The following USP2 variants were observed in gnomAD, a reference collection of about 807,000 sequenced individuals.
The protein encoded by USP2 is ubiquitin carboxyl-terminal hydrolase 2.
Under a neutral mutation model 72.0 loss-of-function variants are expected in USP2, and 33 were observed. The observed-to-expected ratio is 0.46, with a 90% CI of 0.35 to 0.61. The LOEUF (loss-of-function observed/expected upper bound fraction) is 0.61, where lower values mean the gene tolerates loss of function less well. Ranked by LOEUF, USP2 falls within the 20% of genes least tolerant of loss-of-function variation. USP2 has a pLI of 0.01. For missense variants in USP2, 691 were observed against 797.8 expected (o/e 0.87, Z 1.61); for synonymous variants, 296 against 312.5 (o/e 0.95, Z 0.56).
intron 1 of USP2, among the ~76,000 whole-genome samples, chr11:119,378,572 G>A (rs1951028256): frequency 6.6e-6 from 1 of 152,100 alleles, no homozygotes; most frequent in African/African-American, 2.4e-5. Context: ...GGGAGGGGAG[G>A]AGGTAAGATA....
rs564686765 is a variant in USP2, at chr11:119,367,235, C to T, written c.774+5472G>A. Reference sequence around the variant, plus strand: ...GGGCTCATTCCTGCATCCTGACTGCCGTTCCTCAGAACCTGGGCTTGGCCT... The same window carrying T: ...GGGCTCATTCCTGCATCCTGACTGCTGTTCCTCAGAACCTGGGCTTGGCCT... On this transcript the variant is annotated intron_variant, in intron 2 of 12. Coordinates refer to ENST00000260187, the MANE Select transcript of USP2 (RefSeq NM_004205.5). Among the ~76,000 whole-genome samples, 49 of 152,290 alleles carry T rather than the reference C, an allele frequency of 3.2e-4. 1 individual carries two copies. The highest frequency in any genetic ancestry group is 9.6e-4 in the African/African-American group (40 of 41,568).
chr11:119,356,074 C>T lies in USP2; in HGVS notation c.*761G>A, dbSNP rs1212416498. The T allele has an allele frequency of 2.7e-5, 4 of 150,884 alleles. No individual in the cohort carries two copies. Among genetic ancestry groups the T allele is most frequent in the Admixed American group, 2.6e-4 (4 of 15,160 alleles). The allele number at this position is 150,884 out of a possible 1,614,324, so 9.3% of individuals were successfully genotyped here. The stretch of plus-strand genomic sequence containing the variant: ...AAAAAAAAAAAAAAAAACCCAAACC[C>T]CCAAAACAGAAACTTGTTTTAGATC... On this transcript the variant is annotated 3_prime_UTR_variant, in exon 13 of 13. Transcript: ENST00000260187.
chr11:119,363,482 G>C (rs1166125743), intron 2 of USP2, among the ~76,000 whole-genome samples: 2 of 152,150 alleles, frequency 1.3e-5, no homozygotes, highest in Non-Finnish European at 2.9e-5. Context: ...CCTCGGAGGA[G>C]TACCCCGGCA....
chr11:119,364,263 G>A (rs1950818363), intron 2 of USP2: 11 of 906,772 alleles, frequency 1.2e-5, no homozygotes, highest in Non-Finnish European at 1.3e-5. Context: ...GCGGGGCCAG[G>A]CCCTAAGCCC....
rs1326239853 is a variant in USP2, at chr11:119,359,281, A to G, written c.1011T>C (p.Ser337=). The part of the protein sequence containing the change: ...TSSPNDVVSP[S]EFKTQIQRYA... The stretch of plus-strand genomic sequence containing the variant: ...ATCTCTGGATCTGGGTCTTGAACTC[A>G]GATGGGCTCACCACATCATTGGGGG... The change falls in exon 5 of 13, where the codon TCT becomes TCC. Residue 337 remains serine (S), a synonymous_variant. Coordinates refer to ENST00000260187, the MANE Select transcript of USP2 (RefSeq NM_004205.5). The G allele has an allele frequency of 6.2e-7, 1 of 1,614,090 alleles. No homozygotes were observed. The highest frequency in any genetic ancestry group is 2.2e-5 in the East Asian group (1 of 44,884).
intron 2 of USP2, chr11:119,364,221 G>A (rs1395235714): frequency 2.7e-6 from 3 of 1,107,844 alleles, no homozygotes; most frequent in South Asian, 4.5e-5. Context: ...CGGCCCCGCC[G>A]GCGCCTCGGG....
rs1472733121 is a variant in USP2, at chr11:119,373,463, G to C, written c.18C>G (p.Ser6=). The C allele has an allele frequency of 2.1e-5, 34 of 1,586,984 alleles. No individual in the cohort carries two copies. The highest frequency in any genetic ancestry group is 2.8e-5 in the Non-Finnish European group (33 of 1,172,676). Residue 6 remains serine (S), a synonymous_variant, in exon 2 of 13, where the codon TCC becomes TCG. Transcript: ENST00000260187. MSQLS[S]TLKRYTESAR... ...CCGATTCTGTGTAGCGCTTCAGGGT[G>C]GAGGAGAGCTGGGACATCCTTCAGG...
chr11:119,373,797 G>A (rs1950966929), intron 1 of USP2, among the ~76,000 whole-genome samples: 2 of 152,242 alleles, frequency 1.3e-5, no homozygotes, highest in South Asian at 4.1e-4. Context: ...ACTCAAACAC[G>A]CAAGCAGGGG....
At chr11:119,370,683 C>A (rs1038539255) in intron 2 of USP2, among the ~76,000 whole-genome samples, 1 of 152,188 alleles carries the variant, frequency 6.6e-6, no homozygotes, top group Non-Finnish European at 1.5e-5. Flanking sequence ...TGCTGGTTGG[C>A]AGTATCTTCT....
intron 2 of USP2, among the ~76,000 whole-genome samples, chr11:119,367,786 TGA>T (rs1258043899): frequency 6.6e-6 from 1 of 152,092 alleles, no homozygotes; most frequent in African/African-American, 2.4e-5. Context: ...CGTATTGAGG[TGA>T]GAGAGTACAA....
intron 7 of USP2, among the ~76,000 whole-genome samples, chr11:119,358,475 C>G (rs1414142064): frequency 6.6e-6 from 1 of 152,146 alleles, no homozygotes; most frequent in Non-Finnish European, 1.5e-5. Context: ...ACCACCATGC[C>G]TGGCTAATTT....
At position 119,359,588 on chromosome 11, in the gene USP2, A is replaced by G; in HGVS notation, c.898T>C (p.Tyr300His). ...ELRDYCLQRL[Y>H]MRDLHHGSNA... ...CTGCCGTGGTGCAGGTCCCGCATGT[A>G]GAGCCTCTGGAGGCAGTAATCTCTC... Residue 300 changes from tyrosine (Y) to histidine (H), a missense_variant, in exon 4 of 13, where the codon TAC becomes CAC. Physicochemically the swap from Tyr to His is moderately conservative, Grantham distance 83. Coordinates refer to ENST00000260187, the MANE Select transcript of USP2 (RefSeq NM_004205.5). 1 of 1,614,000 alleles carries G rather than the reference A, an allele frequency of 6.2e-7. No homozygotes were observed. Among genetic ancestry groups the G allele is most frequent in the Non-Finnish European group, 8.5e-7 (1 of 1,180,018 alleles).
intron 1 of USP2, among the ~76,000 whole-genome samples, chr11:119,375,705 C>A (rs548865420): frequency 6.6e-6 from 1 of 152,216 alleles, no homozygotes; most frequent in Admixed American, 6.5e-5. Flanking sequence ...TACAATCCCC[C>A]CAACAAGGGT....
In USP2 at chr11:119,373,005, T is replaced by C. The variant is rs1427264269; in HGVS notation, c.476A>G (p.Tyr159Cys). 1.9e-6 allele frequency: 3 copies of C among 1,613,818 alleles called. No homozygotes were observed. The South Asian group carries it at 3.3e-5, about 18-fold the overall frequency. Residue 159 changes from tyrosine (Y) to cysteine (C), a missense_variant, in exon 2 of 13, where the codon TAC becomes TGC. Transcript: ENST00000260187. ...GCCCAGGTTCCTGGGGTCTATCCGG[T>C]AGCTATCTGAGGTCCGGAGGCTGGA... ...DFSSLRTSDS[Y>C]RIDPRNLGRS...
At position 119,373,407 on chromosome 11, in the gene USP2, G is replaced by A. The variant is rs763816084; in HGVS notation, c.74C>T (p.Ser25Leu). The change falls in exon 2 of 13, where the codon TCG (serine) becomes TTG (leucine). Residue 25 changes from serine to leucine, a missense_variant. Transcript: ENST00000260187. ...ARYTDAHYAK[S>L]GYGAYTPSSY... ...GGACGGGGTGTAGGCACCATAGCCC[G>A]ACTTGGCATAGTGGGCATCTGTGTA... The A allele has an allele frequency of 1.9e-6, 3 of 1,606,776 alleles. No individual in the cohort carries two copies. The highest frequency in any genetic ancestry group is 2.5e-6 in the Non-Finnish European group (3 of 1,179,898).
intron 1 of USP2, chr11:119,378,950 T>C: frequency 2.0e-6 from 2 of 982,828 alleles, no homozygotes; most frequent in Non-Finnish European, 2.4e-6. Context: ...TTCACTGATG[T>C]CTTTCCTCTA....
chr11:119,361,306 G>A (rs1426298438), intron 2 of USP2, among the ~76,000 whole-genome samples: 1 of 152,196 alleles, frequency 6.6e-6, no homozygotes, highest in African/African-American at 2.4e-5. Flanking sequence ...GAGAACAGGT[G>A]CTGGATCGAG....
chr11:119,373,007 G>A lies in USP2; in HGVS notation c.474C>T (p.Ser158=), dbSNP rs769234434. ...RDFSSLRTSD[S]YRIDPRNLGR... ...CCAGGTTCCTGGGGTCTATCCGGTA[G>A]CTATCTGAGGTCCGGAGGCTGGAGA... Residue 158 remains serine, a synonymous_variant, in exon 2 of 13, where the codon AGC becomes AGT. Coordinates refer to ENST00000260187, the MANE Select transcript of USP2 (RefSeq NM_004205.5). The A allele has an allele frequency of 6.2e-7, 1 of 1,613,854 alleles. No individual in the cohort carries two copies. The highest frequency in any genetic ancestry group is 8.5e-7 in the Non-Finnish European group (1 of 1,180,026).
chr11:119,365,746 C>G (rs540214640), intron 2 of USP2, among the ~76,000 whole-genome samples: 1 of 152,120 alleles, frequency 6.6e-6, no homozygotes, highest in Non-Finnish European at 1.5e-5. Context: ...TGTCAACCAG[C>G]CTGTGCTTAT....
Sources: gnomAD v4.1 joint callset for allele counts (sites outside exome capture counted in the v4.1 genomes callset) on GRCh38, gnomAD v4.1.1 for gene constraint, MANE v1.5 for transcripts, NCBI Gene and HGNC (gene_info 2026-07-23, HGNC 2026-07-21) for gene names.